The following FKBP8 variants were observed in gnomAD, a reference collection of about 807,000 sequenced individuals.
FKBP8 encodes FKBP prolyl isomerase 8.
In FKBP8, 5 loss-of-function variants were observed where a neutral mutation model predicts 41.7. The ratio of observed to expected loss-of-function variants is 0.12; its 90% CI spans 0.06 to 0.25. The LOEUF (loss-of-function observed/expected upper bound fraction) is 0.25, where lower values mean the gene tolerates loss of function less well. Ranked by LOEUF, FKBP8 falls within the 10% of genes least tolerant of loss-of-function variation. The pLI, the probability that FKBP8 is intolerant of heterozygous loss-of-function variation, is 1.00. For missense variants in FKBP8, 397 were observed against 563.0 expected (o/e 0.71, Z 2.98); for synonymous variants, 279 against 254.5 (o/e 1.10, Z -0.92).
chr19:18,533,073 T>C (rs916331920), intron 7 of FKBP8, 197 bp downstream of exon 7: 4 of 678,962 alleles, frequency 5.9e-6, no homozygotes, highest in Non-Finnish European at 9.7e-6. Flanking sequence ...CCTCAGCTGC[T>C]GGAGGAGTGA....
intron 2 of FKBP8, among the ~76,000 whole-genome samples, chr19:18,541,135 G>A (rs1444845705): frequency 6.6e-6 from 1 of 151,836 alleles, no homozygotes; most frequent in Admixed American, 6.6e-5. Context: ...GGGTATGTTG[G>A]GGGGAACATG....
chr19:18,532,033 C>A lies in FKBP8; in HGVS notation c.*136G>T. On this transcript the variant is annotated 3_prime_UTR_variant, in exon 9 of 9. Transcript: ENST00000608443. ...AGTCCCTCCTGCTGGCTGGGCTGCA[C>A]GACCCCCAATCCTTGCTCCCCTAAC... 2 of 752,070 alleles carry A rather than the reference C, an allele frequency of 2.7e-6. No homozygotes were observed. Among genetic ancestry groups the A allele is most frequent in the Non-Finnish European group, 2.3e-6 (1 of 444,410 alleles). 46.6% of individuals were successfully genotyped at this position (752,070 alleles called of 1,614,324 possible). A position where few individuals can be genotyped will look rare whatever the true frequency, so the allele number is the denominator to read the frequency against.
intron 8 of FKBP8, 75 bp from the exon 9 acceptor site, chr19:18,532,330 A>G: frequency 7.5e-7 from 1 of 1,335,716 alleles, no homozygotes; most frequent in Non-Finnish European, 1.1e-6. Flanking sequence ...CTGCCAGCAC[A>G]GCCCAAACAG....
rs557918219 is a variant in FKBP8, at chr19:18,533,044, T to C, written c.1023+226A>G. ...GGAAGGAAGGCCAAGGACACTGGCA[T>C]GGAGCAGGCTGGCAGTGCCCTCAGC... On this transcript the variant is annotated intron_variant, in intron 7 of 8. Transcript: ENST00000608443. The C allele has an allele frequency of 7.5e-5, 52 of 697,914 alleles. No individual in the cohort carries two copies. In the African/African-American group the frequency reaches 8.3e-4, roughly 11 times the overall value. 43.2% of individuals were successfully genotyped at this position (697,914 alleles called of 1,614,324 possible).
Position 18,531,945 on chromosome 19 carries a change from G to A in FKBP8, c.*224C>T. 1.8e-6 allele frequency: 1 copy of A among 565,658 alleles called. No homozygotes were observed. Among genetic ancestry groups the A allele is most frequent in the Non-Finnish European group, 3.2e-6 (1 of 313,100 alleles). 35.0% of individuals were successfully genotyped at this position (565,658 alleles called of 1,614,324 possible). On this transcript the variant is annotated 3_prime_UTR_variant, in exon 9 of 9. Coordinates refer to ENST00000608443, the MANE Select transcript of FKBP8 (RefSeq NM_012181.5). ...TAGCCCAGCGGGGTAAGGAGGGTGG[G>A]GGAAAACTGGGTCTGAAGGAATGAG... is the stretch of plus-strand genomic sequence containing the variant.
At chr19:18,542,882 CCT>C in intron 1 of FKBP8, 1 of 1,283,866 alleles carries the variant, frequency 7.8e-7, no homozygotes, top group Non-Finnish European at 1.0e-6. Context: ...CCTCCCTAAC[CCT>C]CACCTGCCTG....
chr19:18,542,827 G>A lies in FKBP8; in HGVS notation c.-26+659C>T, dbSNP rs1043790386. On this transcript the variant is annotated intron_variant, in intron 1 of 8. Transcript: ENST00000608443. ...AACCCCTCCGTCCCCCAGGCCCCAA[G>A]CTCAGAAGAGTGTGGCACAGCCATC... The A allele has an allele frequency of 9.2e-5, 101 of 1,092,044 alleles. No individual in the cohort carries two copies. In the African/African-American group the frequency reaches 1.3e-3, roughly 14 times the overall value. The allele number at this position is 1,092,044 out of a possible 1,614,324, so 67.6% of individuals were successfully genotyped here. A position where few individuals can be genotyped will look rare whatever the true frequency, so the allele number is the denominator to read the frequency against.
In FKBP8 at chr19:18,532,781, C is replaced by T; in HGVS notation, c.1038G>A (p.Glu346=). ...CATGCTTCTTCACCAGCTTTGAGAG[C>T]TCTGCGTGGATCGTCTGCAGAAGGC... ...LEPSNKTIHA[E]LSKLVKKHAA... is the part of the protein sequence containing the mutation. The change falls in exon 8 of 9, where the codon GAG becomes GAA. Residue 346 remains glutamate, a synonymous_variant. Transcript: ENST00000608443. The T allele has an allele frequency of 6.2e-7, 1 of 1,613,982 alleles. No individual in the cohort carries two copies. The highest frequency in any genetic ancestry group is 8.5e-7 in the Non-Finnish European group (1 of 1,180,006).
Position 18,541,999 on chromosome 19 carries a change from G to A in FKBP8, c.-25-4C>T. On this transcript the variant is annotated splice_region_variant and splice_polypyrimidine_tract_variant and intron_variant, in intron 1 of 8. Coordinates refer to ENST00000608443, the MANE Select transcript of FKBP8 (RefSeq NM_012181.5). ...GCTGGGGGGACAGGAATTGGCCCTGGAAGTGGGGGGCAGAGATGTGGGTCA... is the reference window on the plus strand; with the variant it reads ...GCTGGGGGGACAGGAATTGGCCCTGAAAGTGGGGGGCAGAGATGTGGGTCA... 6.2e-7 allele frequency: 1 copy of A among 1,605,066 alleles called. No homozygotes were observed. The highest frequency in any genetic ancestry group is 1.1e-5 in the South Asian group (1 of 90,608).
rs1176389317 is a variant in FKBP8, at chr19:18,538,965, C to T, written c.551+406G>A. ...GAGTAGCTGGGACTACAGGCACCCA[C>T]CACCACGCCTGGCTAATTTTTTGTA... On this transcript the variant is annotated intron_variant, in intron 4 of 8. Coordinates refer to ENST00000608443, the MANE Select transcript of FKBP8 (RefSeq NM_012181.5). The surrounding 1 kb of genome is among the most constrained non-coding windows in gnomAD (Gnocchi z 4.0). 2.0e-5 allele frequency among the ~76,000 whole-genome samples: 3 copies of T among 152,030 alleles called. No individual in the cohort carries two copies. Among genetic ancestry groups the T allele is most frequent in the Non-Finnish European group, 4.4e-5 (3 of 68,014 alleles).
intron 1 of FKBP8, chr19:18,542,252 C>T (rs1331738526): frequency 1.4e-5 from 6 of 418,258 alleles, no homozygotes; most frequent in Non-Finnish European, 2.1e-5. Flanking sequence ...TTTACAAATA[C>T]TCCAGGAAGT....
intron 7 of FKBP8, 87 bp downstream of exon 7, chr19:18,533,183 A>G (rs942538918): frequency 4.6e-6 from 6 of 1,292,818 alleles, no homozygotes; most frequent in Non-Finnish European, 6.3e-6. Flanking sequence ...GGAACACAAC[A>G]GAGAGCCACA....
chr19:18,536,175 T>G (rs1005985241), intron 6 of FKBP8: 1 of 152,122 alleles, frequency 6.6e-6, no homozygotes, highest in Non-Finnish European at 1.5e-5. Context: ...CACCTCAGGC[T>G]TTTCAGAAAC....
chr19:18,541,824 C>T lies in FKBP8; in HGVS notation c.147G>A (p.Leu49=). 1.2e-6 allele frequency: 2 copies of T among 1,613,694 alleles called. No individual in the cohort carries two copies. Among genetic ancestry groups the T allele is most frequent in the Admixed American group, 1.7e-5 (1 of 59,884 alleles). Reference sequence around the variant, plus strand: ...TGTCCTCCAGCGGTGGCAGCTCACTCAGGTCATCCTCTTCCTCCTCTTCCT... The same window carrying T: ...TGTCCTCCAGCGGTGGCAGCTCACTTAGGTCATCCTCTTCCTCCTCTTCCT... The part of the protein sequence containing the change: ...EEEEEEEEDD[L]SELPPLEDMG... Residue 49 remains leucine, a synonymous_variant, in exon 2 of 9, where the codon CTG becomes CTA. Coordinates refer to ENST00000608443, the MANE Select transcript of FKBP8 (RefSeq NM_012181.5).
Position 18,532,758 on chromosome 19 carries a change from T to C in FKBP8, c.1061A>G (p.His354Arg), listed in dbSNP as rs777128222. The change falls in exon 8 of 9, where the codon CAT becomes CGT. Residue 354 changes from histidine to arginine, a missense_variant. By Grantham distance (29) the His-to-Arg change is conservative. Around this residue, in one of 2 missense-constraint regions of FKBP8, gnomAD observed 225 missense variants for 366.8 expected, o/e 0.61. Coordinates refer to ENST00000608443, the MANE Select transcript of FKBP8 (RefSeq NM_012181.5). ...GGTCTCCGTGCTCCGCTGCGCCGCA[T>C]GCTTCTTCACCAGCTTTGAGAGCTC... The part of the protein sequence containing the change: ...HAELSKLVKK[H>R]AAQRSTETAL... 6 of 1,614,040 alleles carry C rather than the reference T, an allele frequency of 3.7e-6. No individual in the cohort carries two copies. The East Asian group carries it at 1.1e-4, about 30-fold the overall frequency.
intron 2 of FKBP8, among the ~76,000 whole-genome samples, chr19:18,541,299 T>C (rs1387799194): frequency 3.3e-5 from 5 of 152,188 alleles, no homozygotes; most frequent in African/African-American, 7.2e-5. Context: ...GGGGTCTCGC[T>C]GTGTTGCCCA....
rs766341359 is a variant in FKBP8 at position 18,539,560 on chromosome 19, G to A, written c.453C>T (p.Asp151=). Residue 151 remains aspartate, a synonymous_variant, in exon 3 of 9, where the codon GAC becomes GAT. Coordinates refer to ENST00000608443, the MANE Select transcript of FKBP8 (RefSeq NM_012181.5). ...CCGCCCCAGCCCGCACCTGGATGAC[G>A]TCACAGTCACCCAGAGTGAACACCA... ...PELVFTLGDC[D]VIQALDLSVP... is the part of the protein sequence containing the mutation. 6.8e-6 allele frequency: 11 copies of A among 1,612,834 alleles called. No homozygotes were observed. Among genetic ancestry groups the A allele is most frequent in the South Asian group, 2.2e-5 (2 of 91,078 alleles).
chr19:18,538,031 C>G lies in FKBP8; in HGVS notation c.772+185G>C. On this transcript the variant is annotated intron_variant, in intron 5 of 8. Transcript: ENST00000608443. The surrounding 1 kb of genome is among the most constrained non-coding windows in gnomAD (Gnocchi z 4.0). ...CCATATCCACTTGCATTCTACAACA[C>G]TCCACTGGTCTGGGATATACCACGA... 1 of 713,324 alleles carries G rather than the reference C, an allele frequency of 1.4e-6. No individual in the cohort carries two copies. Among genetic ancestry groups the G allele is most frequent in the South Asian group, 1.9e-5 (1 of 53,524 alleles). 44.2% of individuals were successfully genotyped at this position (713,324 alleles called of 1,614,324 possible).
intron 1 of FKBP8, among the ~76,000 whole-genome samples, chr19:18,542,681 C>T (rs1414475653): frequency 6.6e-6 from 1 of 151,912 alleles, no homozygotes; most frequent in Admixed American, 6.6e-5. Flanking sequence ...CCCAGGAGAC[C>T]ATCCTCCTCT....
Sources: gnomAD v4.1 joint callset for allele counts (sites outside exome capture counted in the v4.1 genomes callset) on GRCh38, gnomAD v4.1.1 for gene constraint, gnomAD v4.1.1 regional missense constraint, Gnocchi (gnomAD v3.1) non-coding constraint, MANE v1.5 for transcripts, NCBI Gene and HGNC (gene_info 2026-07-23, HGNC 2026-07-21) for gene names.